EGFL6: variants seen among roughly 807,000 people sequenced by gnomAD.
EGFL6 encodes the protein EGF like domain multiple 6.
Under a neutral mutation model 43.1 loss-of-function variants are expected in EGFL6, and 42 were observed. The ratio of observed to expected loss-of-function variants is 0.98; its 90% confidence interval spans 0.76 to 1.26. EGFL6 has a LOEUF of 1.26. EGFL6 is among the 50% of genes most tolerant of loss of function. The pLI is 0.00. For missense variants in EGFL6, 429 were observed against 427.8 expected, an observed-to-expected ratio of 1.00 and a Z score of -0.02; for synonymous variants, 164 against 163.2, an observed-to-expected ratio of 1.01 and a Z score of -0.04.
intron 9 of EGFL6, among the ~76,000 whole-genome samples, chrX:13,622,294 G>C (rs1291259573): frequency 8.9e-6 from 1 of 112,134 alleles, no homozygotes; most frequent in Non-Finnish European, 1.9e-5. Flanking sequence ...GTCTGATTTG[G>C]GATTCAGGTC....
intron 11 of EGFL6, among the ~76,000 whole-genome samples, chrX:13,632,228 A>T (rs900956399): frequency 9.1e-6 from 1 of 109,724 alleles, no homozygotes; most frequent in African/African-American, 3.3e-5. Context: ...AAAAAAAAAG[A>T]AAAATAATTA....
At chrX:13,576,275 G>A (rs2045470654) in intron 1 of EGFL6, among the ~76,000 whole-genome samples, 1 of 110,901 alleles carries the variant, frequency 9.0e-6, no homozygotes, top group African/African-American at 3.3e-5. Flanking sequence ...GGGGAAAGGT[G>A]CCACACACTC....
intron 1 of EGFL6, among the ~76,000 whole-genome samples, chrX:13,577,323 TATATATATATATATATATACATAC>T (rs1278827135): frequency 0.076 from 1,554 of 20,473 alleles, 33 homozygotes; most frequent in African/African-American, 0.15. Flanking sequence ...TATATATATA[TATATATATATATATATATACATAC>T]ACACACACAC....
intron 11 of EGFL6, among the ~76,000 whole-genome samples, chrX:13,632,508 G>T (rs1284006167): frequency 4.3e-4 from 47 of 108,418 alleles, no homozygotes; most frequent in African/African-American, 1.5e-3. Context: ...TTCACTGTGT[G>T]TTAGCCAGGA....
intron 9 of EGFL6, among the ~76,000 whole-genome samples, chrX:13,622,928 G>A (rs1212942147): frequency 1.8e-5 from 2 of 111,589 alleles, no homozygotes; most frequent in Non-Finnish European, 3.8e-5. Flanking sequence ...CTCACACCTG[G>A]AATACCAGCA....
At chrX:13,631,762 G>A (rs1003980647) in intron 11 of EGFL6, among the ~76,000 whole-genome samples, 2 of 111,542 alleles carry the variant, frequency 1.8e-5, no homozygotes, top group African/African-American at 6.5e-5. Context: ...ATTCCAGCCT[G>A]GGTGACAGAG....
intron 1 of EGFL6, among the ~76,000 whole-genome samples, chrX:13,580,925 G>A (rs2045502156): frequency 1.8e-5 from 2 of 111,987 alleles, no homozygotes; most frequent in African/African-American, 6.5e-5. Flanking sequence ...ATGAATGAGA[G>A]GGAGAATAAA....
At chrX:13,607,414 A>G (rs946755433) in intron 6 of EGFL6, among the ~76,000 whole-genome samples, 6 of 111,878 alleles carry the variant, frequency 5.4e-5, no homozygotes, top group Non-Finnish European at 9.4e-5. Context: ...ACAACACACA[A>G]TTGCTGGGTT....
intron 1 of EGFL6, among the ~76,000 whole-genome samples, chrX:13,581,243 C>G (rs2045504043): frequency 8.9e-6 from 1 of 112,159 alleles, no homozygotes. Context: ...TCAACACACA[C>G]TAGTATAGGA....
intron 7 of EGFL6, 70 bp downstream of exon 7, chrX:13,608,516 C>T: frequency 8.9e-7 from 1 of 1,120,911 alleles, no homozygotes; most frequent in African/African-American, 1.8e-5. Flanking sequence ...TCCTTCCTCC[C>T]TCTATTTCTC....
intron 4 of EGFL6, among the ~76,000 whole-genome samples, chrX:13,601,531 G>A (rs1377167082): frequency 9.0e-6 from 1 of 111,158 alleles, no homozygotes. Flanking sequence ...CCAGCTTCCT[G>A]TGGTTGCGGA....
At chrX:13,626,239 C>G (rs1037933955) in intron 10 of EGFL6, among the ~76,000 whole-genome samples, 1 of 111,646 alleles carries the variant, frequency 9.0e-6, no homozygotes, top group African/African-American at 3.3e-5. Flanking sequence ...CAATGTCAGC[C>G]TGGGTCCTGC....
chrX:13,570,892 C>T (rs1284750938), intron 1 of EGFL6, among the ~76,000 whole-genome samples: 2 of 112,144 alleles, frequency 1.8e-5, no homozygotes, highest in African/African-American at 3.2e-5. Flanking sequence ...CTTCCGGCAA[C>T]GGAAGAGGTT....
intron 11 of EGFL6, among the ~76,000 whole-genome samples, chrX:13,630,428 G>A (rs923449301): frequency 9.0e-6 from 1 of 111,484 alleles, no homozygotes; most frequent in Non-Finnish European, 1.9e-5. Context: ...ATGCCAAGAT[G>A]TAGACATAGC....
rs3840974 is a variant in EGFL6 at position 13,618,889 on chromosome X, GAA to G, written c.1103-264_1103-263del. ...TAGAGAGTGAAAAATCTCAAAAAAA[GAA>G]AAAAAAAAACATATTTCCAAAACCT... is the stretch of plus-strand genomic sequence containing the variant. On this transcript the variant is annotated intron_variant, in intron 8 of 11. Coordinates refer to ENST00000361306, the MANE Select transcript of EGFL6 (RefSeq NM_015507.4). Among the ~76,000 whole-genome samples the G allele has an allele frequency of 5.3e-3, 543 of 103,411 alleles. 3 individuals carry two copies. The highest frequency in any genetic ancestry group is 0.01 in the Middle Eastern group (2 of 198). The allele number at this position is 103,411 out of a possible 115,157, so 89.8% of individuals were successfully genotyped here. A position where few individuals can be genotyped will look rare whatever the true frequency, so the allele number is the denominator to read the frequency against.
At chrX:13,584,609 C>G (rs2045524672) in intron 1 of EGFL6, among the ~76,000 whole-genome samples, 1 of 111,905 alleles carries the variant, frequency 8.9e-6, no homozygotes, top group Non-Finnish European at 1.9e-5. Flanking sequence ...CATCATCTAT[C>G]CTATTCCCTA....
rs16979025 is a variant in EGFL6 at position 13,608,480 on chromosome X, T to G, written c.778+34T>G. 5,829 of 1,194,414 alleles carry G rather than the reference T, an allele frequency of 4.9e-3. 133 individuals carry two copies. The African/African-American group carries it at 0.077, about 16-fold the overall frequency. ...CATTTGGTCATGGTGTCTTAGCTAT[T>G]CCCAATGAAGCATTCTCCCCATATC... On this transcript the variant is annotated intron_variant, in intron 7 of 11. Transcript: ENST00000361306.
intron 3 of EGFL6, chrX:13,596,464 G>A: frequency 8.9e-6 from 1 of 112,298 alleles, no homozygotes. Flanking sequence ...CTCCAAACAA[G>A]CTCTCAAAAT....
chrX:13,632,780 G>A (rs1477946754), intron 11 of EGFL6, among the ~76,000 whole-genome samples: 1 of 110,946 alleles, frequency 9.0e-6, no homozygotes, highest in Admixed American at 9.6e-5. Flanking sequence ...GAATCTATGT[G>A]GGCTTTGCTA....
Sources: allele counts gnomAD v4.1 joint callset (sites outside exome capture counted in the v4.1 genomes callset), GRCh38; gene constraint gnomAD v4.1.1; transcripts MANE v1.5; gene names NCBI Gene and HGNC (gene_info 2026-07-23, HGNC 2026-07-21).